Variants in SBNO1 observed in about 807,000 individuals in gnomAD.
SBNO1 encodes the protein protein strawberry notch homolog 1.
SBNO1 carries 23 observed loss-of-function variants against 173.6 expected under a neutral mutation model. The observed-to-expected ratio is 0.13, with a 90% CI of 0.10 to 0.19. The LOEUF is 0.19. Among genes scored for constraint, SBNO1 ranks in the 10% least tolerant of loss-of-function variants. SBNO1 has a pLI of 1.00. For missense variants in SBNO1, 1,238 were observed against 1,671.2 expected (o/e 0.74, Z 4.52); for synonymous variants, 632 against 571.5 (o/e 1.11, Z -1.51).
At chr12:123,361,532 G>A (rs1276696648) in intron 1 of SBNO1, among the ~76,000 whole-genome samples, 18 of 151,520 alleles carry the variant, frequency 1.2e-4, no homozygotes, top group Admixed American at 1.2e-3. Context: ...TGGGCAACAA[G>A]AGCAAAACTC....
chr12:123,327,332 T>C, intron 13 of SBNO1, 94 bp downstream of exon 13: 2 of 1,014,402 alleles, frequency 2.0e-6, no homozygotes, highest in Non-Finnish European at 2.9e-6. Context: ...TAGAAATACA[T>C]TCCCATGGGC....
At chr12:123,300,380 A>AG (rs2048746622) in intron 30 of SBNO1, among the ~76,000 whole-genome samples, 1 of 152,208 alleles carries the variant, frequency 6.6e-6, no homozygotes, top group Non-Finnish European at 1.5e-5. Context: ...TGTTTAGGCC[A>AG]GGCGCAGTGG....
intron 6 of SBNO1, among the ~76,000 whole-genome samples, chr12:123,336,173 AATATCTTAGCTTTAT>A (rs1256172432): frequency 6.6e-6 from 1 of 152,186 alleles, no homozygotes; most frequent in Non-Finnish European, 1.5e-5. Context: ...AGTTGTATTA[AATATCTTAGCTTTAT>A]ATATCTTTAC....
intron 1 of SBNO1, among the ~76,000 whole-genome samples, chr12:123,355,203 T>C (rs1013989846): frequency 6.6e-6 from 1 of 152,040 alleles, no homozygotes; most frequent in Non-Finnish European, 1.5e-5. Context: ...GTATTTTTAG[T>C]AGAGACAGGG....
intron 1 of SBNO1, among the ~76,000 whole-genome samples, chr12:123,351,320 C>T (rs1873853625): frequency 6.6e-6 from 1 of 152,068 alleles, no homozygotes; most frequent in Non-Finnish European, 1.5e-5. Flanking sequence ...TGAGGACTAC[C>T]TGACACGGCA....
intron 21 of SBNO1, 128 bp downstream of exon 21, chr12:123,317,093 C>T: frequency 2.2e-6 from 2 of 922,804 alleles, no homozygotes; most frequent in South Asian, 3.1e-5. Context: ...CCACAGTGGC[C>T]TCCCGAAATG....
intron 28 of SBNO1, among the ~76,000 whole-genome samples, chr12:123,308,475 C>G (rs778298868): frequency 3.3e-5 from 5 of 151,594 alleles, no homozygotes; most frequent in Non-Finnish European, 7.4e-5. Context: ...TCGAGACCAT[C>G]TTGGCTAACA....
At chr12:123,323,479 C>T (rs971549796) in intron 16 of SBNO1, among the ~76,000 whole-genome samples, 27 of 152,052 alleles carry the variant, frequency 1.8e-4, no homozygotes, top group Admixed American at 6.6e-5. Context: ...CTCAGCCTCC[C>T]GAGTAGCTGG....
intron 20 of SBNO1, 69 bp from the exon 21 acceptor site, chr12:123,317,425 G>C: frequency 7.1e-7 from 1 of 1,405,930 alleles, no homozygotes; most frequent in Non-Finnish European, 9.9e-7. Flanking sequence ...CTTAAATGAA[G>C]TCCTTCAGCA....
intron 16 of SBNO1, among the ~76,000 whole-genome samples, chr12:123,322,905 A>C (rs988339247): frequency 1.3e-5 from 2 of 150,442 alleles, no homozygotes; most frequent in Non-Finnish European, 3.0e-5. Context: ...AAAAAAAAAG[A>C]AAAGGCTCTT....
At chr12:123,342,472 C>T (rs1421409182) in intron 4 of SBNO1, among the ~76,000 whole-genome samples, 8 of 151,910 alleles carry the variant, frequency 5.3e-5, no homozygotes, top group African/African-American at 1.9e-4. Context: ...CAAAAAAACC[C>T]AAAACCTGGG....
intron 30 of SBNO1, among the ~76,000 whole-genome samples, chr12:123,298,668 T>C (rs866375973): frequency 6.6e-6 from 1 of 152,266 alleles, no homozygotes; most frequent in African/African-American, 2.4e-5. Context: ...GGCTGATTTT[T>C]AAAACCACGA....
chr12:123,309,276 T>C (rs774343430), intron 28 of SBNO1, 34 bp downstream of exon 28: 96 of 1,463,234 alleles, frequency 6.6e-5, no homozygotes, highest in Middle Eastern at 3.5e-4. Context: ...AAAAGTATTA[T>C]ATATCTGAAT....
chr12:123,332,333 C>T (rs1034837938), intron 7 of SBNO1, among the ~76,000 whole-genome samples: 5 of 152,006 alleles, frequency 3.3e-5, no homozygotes, highest in Non-Finnish European at 5.9e-5. Flanking sequence ...CTCTTGTTGC[C>T]CAGGCTAGAG....
chr12:123,316,700 CTTCT>C (rs987261413), intron 21 of SBNO1, among the ~76,000 whole-genome samples: 10 of 95,616 alleles, frequency 1.0e-4, no homozygotes, highest in African/African-American at 2.7e-4. Context: ...TTCTTTTCTT[CTTCT>C]TTTTTTTTTT....
intron 28 of SBNO1, among the ~76,000 whole-genome samples, chr12:123,305,504 T>C (rs10773006): frequency 0.11 from 16,783 of 152,190 alleles, 1,050 homozygotes; most frequent in East Asian, 0.29. Flanking sequence ...GAGACAGTCT[T>C]GCTCTGTCAC....
chr12:123,361,212 C>G (rs1383693246), intron 1 of SBNO1, among the ~76,000 whole-genome samples: 1 of 151,684 alleles, frequency 6.6e-6, no homozygotes, highest in Non-Finnish European at 1.5e-5. Flanking sequence ...CCACTGCACT[C>G]CAGCCTGGGC....
chr12:123,345,598 T>A (rs777682718), intron 3 of SBNO1, 28 bp from the exon 4 acceptor site: 8 of 1,576,094 alleles, frequency 5.1e-6, no homozygotes, highest in Non-Finnish European at 6.9e-6. Flanking sequence ...AACACACCAC[T>A]GAAAAATGCT....
chr12:123,320,903 T>A (rs1443530142), intron 17 of SBNO1, 37 bp from the exon 18 acceptor site: 1 of 1,429,404 alleles, frequency 7.0e-7, no homozygotes. Flanking sequence ...AAATCATTTG[T>A]TAAAACAAGT....
Sources: allele counts gnomAD v4.1 joint callset (sites outside exome capture counted in the v4.1 genomes callset), GRCh38; gene constraint gnomAD v4.1.1; transcripts MANE v1.5; gene names NCBI Gene and HGNC (gene_info 2026-07-23, HGNC 2026-07-21).